ANO2: variants seen among roughly 807,000 people sequenced by gnomAD.
ANO2 encodes the protein anoctamin 2.
ANO2 carries 101 observed loss-of-function variants against 124.2 expected under a neutral mutation model. The observed-to-expected ratio is 0.81, with a 90% confidence interval of 0.69 to 0.96. The LOEUF is 0.96. Among genes scored for constraint, ANO2 ranks in the 40% least tolerant of loss-of-function variants. The pLI is 0.00. For synonymous variants in ANO2, 486 were observed against 482.5 expected, an observed-to-expected ratio of 1.01 and a Z score of -0.09; for missense variants, 1,293 against 1,274.5, an observed-to-expected ratio of 1.01 and a Z score of -0.22.
At chr12:5,797,662 T>C (rs1486964049) in intron 10 of ANO2, among the ~76,000 whole-genome samples, 3 of 152,100 alleles carry the variant, frequency 2.0e-5, no homozygotes, top group Non-Finnish European at 4.4e-5. Flanking sequence ...ACAACCACCA[T>C]CACCATCTGC....
chr12:5,691,286 C>T (rs576354828), intron 14 of ANO2, among the ~76,000 whole-genome samples: 3 of 136,362 alleles, frequency 2.2e-5, no homozygotes, highest in Non-Finnish European at 3.0e-5. Flanking sequence ...CGAGATCGCA[C>T]CATTGCACTC....
At chr12:5,833,629 G>A (rs1449773614) in intron 4 of ANO2, among the ~76,000 whole-genome samples, 1 of 152,184 alleles carries the variant, frequency 6.6e-6, no homozygotes, top group Non-Finnish European at 1.5e-5. Flanking sequence ...TGCGTGGTGG[G>A]TGAGCAAGCA....
At chr12:5,888,274 G>A (rs1006422796) in intron 3 of ANO2, among the ~76,000 whole-genome samples, 1 of 152,164 alleles carries the variant, frequency 6.6e-6, no homozygotes, top group African/African-American at 2.4e-5. Flanking sequence ...CTTCAGGAGT[G>A]AAGCTGCAGA....
At chr12:5,752,670 G>C (rs10849332) in intron 10 of ANO2, among the ~76,000 whole-genome samples, 87,185 of 152,024 alleles carry the variant, frequency 0.57, 25,717 homozygotes, top group East Asian at 0.69. Flanking sequence ...CTCCCATTCT[G>C]CATATTGACT....
At chr12:5,760,798 A>G (rs1464869670) in intron 10 of ANO2, among the ~76,000 whole-genome samples, 1 of 152,080 alleles carries the variant, frequency 6.6e-6, no homozygotes, top group African/African-American at 2.4e-5. Flanking sequence ...AAACTCCTCC[A>G]ACTTTCCCAG....
chr12:5,715,704 C>T (rs963706650), intron 14 of ANO2, among the ~76,000 whole-genome samples: 1 of 152,188 alleles, frequency 6.6e-6, no homozygotes, highest in African/African-American at 2.4e-5. Flanking sequence ...GAAAGCTGCC[C>T]CTCTATGCTG....
At chr12:5,899,331 AGTGG>A (rs1029781093) in intron 3 of ANO2, among the ~76,000 whole-genome samples, 1 of 152,208 alleles carries the variant, frequency 6.6e-6, no homozygotes, top group African/African-American at 2.4e-5. Flanking sequence ...AGACACACTT[AGTGG>A]GTTAGCAGCT....
chr12:5,940,157 T>C (rs1428991732), intron 1 of ANO2, among the ~76,000 whole-genome samples: 1 of 152,162 alleles, frequency 6.6e-6, no homozygotes, highest in Non-Finnish European at 1.5e-5. Context: ...TTCTTGAGGC[T>C]CCTCCTGGAA....
chr12:5,636,256 G>A lies in ANO2; in HGVS notation c.1621-909C>T, dbSNP rs186153187. The stretch of plus-strand genomic sequence containing the variant: ...CCCCTCTTCCTTCTTCTGTCCCCAC[G>A]TCCCCTCCTGTCCCCATCGCAACCA... On this transcript the variant is annotated intron_variant, in intron 15 of 24. Transcript: ENST00000682330. This position sits in a 1 kb window ranked among gnomAD's most constrained non-coding sequence, Gnocchi z 4.6. Among the ~76,000 whole-genome samples the A allele has an allele frequency of 3.9e-5, 6 of 152,040 alleles. No individual in the cohort carries two copies. The highest frequency in any genetic ancestry group is 7.4e-5 in the Non-Finnish European group (5 of 68,000).
At chr12:5,813,233 G>A (rs1953493459) in intron 7 of ANO2, among the ~76,000 whole-genome samples, 1 of 152,168 alleles carries the variant, frequency 6.6e-6, no homozygotes, top group Non-Finnish European at 1.5e-5. Context: ...TTATCTTTGG[G>A]GGGTCAGAAC....
At chr12:5,717,632 C>T (rs1214920464) in intron 14 of ANO2, among the ~76,000 whole-genome samples, 5 of 152,164 alleles carry the variant, frequency 3.3e-5, no homozygotes, top group African/African-American at 1.2e-4. Flanking sequence ...CCTCCACTGA[C>T]CCTATTTTCA....
At chr12:5,729,881 T>G (rs960172458) in intron 14 of ANO2, among the ~76,000 whole-genome samples, 4 of 152,094 alleles carry the variant, frequency 2.6e-5, no homozygotes, top group Non-Finnish European at 5.9e-5. Flanking sequence ...CCTAAAAAAA[T>G]GTTGCGAAGT....
chr12:5,753,721 T>C (rs1263107952), intron 10 of ANO2, among the ~76,000 whole-genome samples: 1 of 152,190 alleles, frequency 6.6e-6, no homozygotes. Context: ...GAAATGAAAA[T>C]GATTTTTGCA....
chr12:5,865,695 C>T (rs2137272722), intron 3 of ANO2, among the ~76,000 whole-genome samples: 1 of 151,996 alleles, frequency 6.6e-6, no homozygotes, highest in Non-Finnish European at 1.5e-5. Flanking sequence ...GCCACCACAG[C>T]ATTATGCCAC....
chr12:5,875,635 C>T (rs556100763), intron 3 of ANO2, among the ~76,000 whole-genome samples: 2 of 152,304 alleles, frequency 1.3e-5, no homozygotes, highest in East Asian at 1.9e-4. Context: ...CATGCTGCAC[C>T]GGTGACGGTC....
intron 14 of ANO2, among the ~76,000 whole-genome samples, chr12:5,720,067 G>T (rs1351118318): frequency 6.6e-6 from 1 of 151,960 alleles, no homozygotes; most frequent in East Asian, 1.9e-4. Context: ...AAATAATGTG[G>T]GGTCCATTCA....
chr12:5,923,211 CACAT>C (rs1218478147), intron 1 of ANO2, among the ~76,000 whole-genome samples: 2 of 147,864 alleles, frequency 1.4e-5, no homozygotes, highest in African/African-American at 5.0e-5. Flanking sequence ...CACACACACC[CACAT>C]ACACACACAC....
intron 3 of ANO2, among the ~76,000 whole-genome samples, chr12:5,898,884 T>C (rs1292200764): frequency 6.6e-6 from 1 of 152,244 alleles, no homozygotes; most frequent in Non-Finnish European, 1.5e-5. Flanking sequence ...TATTCTGATA[T>C]ATGCTATACT....
At chr12:5,817,356 G>A (rs546671680) in intron 7 of ANO2, among the ~76,000 whole-genome samples, 1 of 152,302 alleles carries the variant, frequency 6.6e-6, no homozygotes, top group Non-Finnish European at 1.5e-5. Flanking sequence ...CTAGCAGGCT[G>A]GGCATTTTTA....
Sources: allele counts gnomAD v4.1 joint callset (sites outside exome capture counted in the v4.1 genomes callset), GRCh38; gene constraint gnomAD v4.1.1; non-coding constraint Gnocchi (gnomAD v3.1); transcripts MANE v1.5; gene names NCBI Gene and HGNC (gene_info 2026-07-23, HGNC 2026-07-21).